RORC: variants seen among roughly 807,000 people sequenced by gnomAD.
RORC encodes RAR related orphan receptor C.
A neutral mutation model predicts 64.5 loss-of-function variants in RORC; 13 were observed. The ratio of observed to expected loss-of-function variants is 0.20; its 90% CI spans 0.13 to 0.32. The LOEUF (loss-of-function observed/expected upper bound fraction) is 0.32. RORC is among the 10% of genes least tolerant of loss of function. RORC has a pLI of 1.00. For synonymous variants in RORC, 277 were observed against 259.3 expected, an observed-to-expected ratio of 1.07 and a Z score of -0.65; for missense variants, 468 against 669.5, an observed-to-expected ratio of 0.70 and a Z score of 3.32.
chr1:151,819,159 T>C (rs1420720211), intron 2 of RORC, among the ~76,000 whole-genome samples: 1 of 152,118 alleles, frequency 6.6e-6, no homozygotes, highest in Admixed American at 6.5e-5. Flanking sequence ...TTTTAATACA[T>C]GGAGGGGAAG....
At position 151,815,041 on chromosome 1, in the gene RORC, C is replaced by A; in HGVS notation, c.683G>T (p.Arg228Leu). Residue 228 changes from arginine to leucine, a missense_variant, in exon 5 of 11, where the codon CGA becomes CTA. By Grantham distance (102) the Arg-to-Leu change is moderately radical. Around this residue, in one of 5 missense-constraint regions of RORC, gnomAD observed 241 missense variants for 295.5 expected, o/e 0.82. Coordinates refer to ENST00000318247, the MANE Select transcript of RORC (RefSeq NM_005060.4). ...YSTGSQLTPDRCGLRFEEHRH... is the reference protein window; with the variant it reads ...YSTGSQLTPDLCGLRFEEHRH... ...GTGTTCCTCAAAACGAAGTCCACAT[C>A]GGTCAGGGGTCAGCTGGCTGCCTGT... The A allele has an allele frequency of 6.2e-7, 1 of 1,614,244 alleles. No homozygotes were observed. Among genetic ancestry groups the A allele is most frequent in the South Asian group, 1.1e-5 (1 of 91,086 alleles).
intron 10 of RORC, among the ~76,000 whole-genome samples, chr1:151,809,281 C>T (rs193279228): frequency 8.9e-4 from 135 of 152,188 alleles, no homozygotes; most frequent in Non-Finnish European, 1.5e-3. Context: ...GTAATCCAAG[C>T]TACTCAGGAG....
intron 2 of RORC, among the ~76,000 whole-genome samples, chr1:151,819,451 A>G (rs988681055): frequency 6.6e-6 from 1 of 151,978 alleles, no homozygotes; most frequent in African/African-American, 2.4e-5. Context: ...GGCCCTGTGG[A>G]CTCTGTTCTT....
intron 10 of RORC, among the ~76,000 whole-genome samples, chr1:151,808,020 C>G (rs374451013): frequency 1.6e-4 from 24 of 152,290 alleles, no homozygotes; most frequent in African/African-American, 5.5e-4. Context: ...CTAATCCTTA[C>G]CCTCTAGTGT....
At chr1:151,822,378 C>T (rs1226443570) in intron 2 of RORC, among the ~76,000 whole-genome samples, 3 of 152,244 alleles carry the variant, frequency 2.0e-5, no homozygotes, top group African/African-American at 7.2e-5. Flanking sequence ...AGGGCCCTCA[C>T]CGCAGCTCCT....
Position 151,826,306 on chromosome 1 carries a change from C to T in RORC, c.70+3123G>A, listed in dbSNP as rs937494878. On this transcript the variant is annotated intron_variant, in intron 2 of 10. Coordinates refer to ENST00000318247, the MANE Select transcript of RORC (RefSeq NM_005060.4). The stretch of plus-strand genomic sequence containing the variant: ...ACACGCGGTAAAAGCTGTTTCCACC[C>T]GCCAGGGTAGTTCTGGCTGGGGAGC... 1.7e-4 allele frequency among the ~76,000 whole-genome samples: 26 copies of T among 152,262 alleles called. No individual in the cohort carries two copies. The East Asian group carries it at 4.8e-3, about 28-fold the overall frequency.
At chr1:151,814,757 G>A in intron 5 of RORC, 62 bp from the exon 6 acceptor site, 2 of 1,573,736 alleles carry the variant, frequency 1.3e-6, no homozygotes, top group Non-Finnish European at 1.7e-6. Context: ...ACCCATGCAA[G>A]GGCACTTCTC....
rs576329620 is a variant in RORC, at chr1:151,816,390, A to G, written c.298+274T>C. Among the ~76,000 whole-genome samples, 50 of 152,340 alleles carry G rather than the reference A, an allele frequency of 3.3e-4. 1 individual carries two copies. The South Asian group carries it at 0.01, about 31-fold the overall frequency. On this transcript the variant is annotated intron_variant, in intron 4 of 10. Coordinates refer to ENST00000318247, the MANE Select transcript of RORC (RefSeq NM_005060.4). ...GCCAGAGGGCAGCAGAGTGAGGAGAATTCGTTCCAAGTAAGAAGAGATGAA... is the reference window on the plus strand; with the variant it reads ...GCCAGAGGGCAGCAGAGTGAGGAGAGTTCGTTCCAAGTAAGAAGAGATGAA...
At chr1:151,813,169 G>A in intron 8 of RORC, 70 bp downstream of exon 8, 1 of 1,506,762 alleles carries the variant, frequency 6.6e-7, no homozygotes, top group Non-Finnish European at 9.2e-7. Context: ...AAAAGAGGGT[G>A]CCCTGGGTCA....
chr1:151,808,412 C>A (rs1285869749), intron 10 of RORC, among the ~76,000 whole-genome samples: 1 of 152,238 alleles, frequency 6.6e-6, no homozygotes, highest in Non-Finnish European at 1.5e-5. Flanking sequence ...TTATCTCTTG[C>A]AGTCTCCTCT....
intron 2 of RORC, among the ~76,000 whole-genome samples, chr1:151,820,701 CCTT>C (rs1572042528): frequency 6.6e-6 from 1 of 152,222 alleles, no homozygotes; most frequent in African/African-American, 2.4e-5. Context: ...CCCGCCAGCT[CCTT>C]AAGTCATCTA....
intron 2 of RORC, among the ~76,000 whole-genome samples, chr1:151,827,529 T>TCCCCATCTTGGAC (rs1558171001): frequency 6.6e-6 from 1 of 152,080 alleles, no homozygotes; most frequent in African/African-American, 2.4e-5. Context: ...TCCCCCGGGT[T>TCCCCATCTTGGAC]CCCCATCTTG....
Position 151,806,703 on chromosome 1 carries a change from G to C in RORC, c.*769C>G, listed in dbSNP as rs1203051260. 6.6e-6 allele frequency: 1 copy of C among 152,180 alleles called. No individual in the cohort carries two copies. The highest frequency in any genetic ancestry group is 2.1e-4 in the South Asian group (1 of 4,828). 9.4% of individuals were successfully genotyped at this position (152,180 alleles called of 1,614,324 possible). A position where few individuals can be genotyped will look rare whatever the true frequency, so the allele number is the denominator to read the frequency against. ...TCTGTATGTGTTTCACCTGTGTATG[G>C]ATATGTGTCTCTGATCAGATTTGTG... is the stretch of plus-strand genomic sequence containing the variant. On this transcript the variant is annotated 3_prime_UTR_variant, in exon 11 of 11. Transcript: ENST00000318247.
rs1348088397 is a variant in RORC, at chr1:151,815,152, G to T, written c.572C>A (p.Ala191Asp). ...GSGPSYSNNL[A>D]KAGLNGASCH... ...TGAGGCCCCATTGAGCCCTGCCTTGGCCAAGTTGTTGGAATATGAGGGCCC... is the reference window on the plus strand; with the variant it reads ...TGAGGCCCCATTGAGCCCTGCCTTGTCCAAGTTGTTGGAATATGAGGGCCC... The change falls in exon 5 of 11, where the codon GCC becomes GAC. Residue 191 changes from alanine (A) to aspartate (D), a missense_variant. This residue lies in a region of RORC where 241 missense variants were observed against 295.5 expected (regional missense o/e 0.82). Coordinates refer to ENST00000318247, the MANE Select transcript of RORC (RefSeq NM_005060.4). The T allele has an allele frequency of 6.2e-7, 1 of 1,614,030 alleles. No homozygotes were observed. The highest frequency in any genetic ancestry group is 1.1e-5 in the South Asian group (1 of 91,058).
chr1:151,823,143 G>A (rs1159446754), intron 2 of RORC, among the ~76,000 whole-genome samples: 1 of 152,172 alleles, frequency 6.6e-6, no homozygotes, highest in Non-Finnish European at 1.5e-5. Flanking sequence ...GAAGGAAGAA[G>A]CCCTTCACGG....
intron 2 of RORC, among the ~76,000 whole-genome samples, chr1:151,826,348 C>A (rs61677461): frequency 0.042 from 6,359 of 152,292 alleles, 465 homozygotes; most frequent in African/African-American, 0.15. Context: ...GGAGCTCACA[C>A]GAGCCTGAAG....
At chr1:151,819,707 G>A (rs1253510422) in intron 2 of RORC, among the ~76,000 whole-genome samples, 1 of 152,114 alleles carries the variant, frequency 6.6e-6, no homozygotes, top group Non-Finnish European at 1.5e-5. Context: ...ACATCTCCCT[G>A]CCCCATGCTT....
At chr1:151,812,878 G>T in intron 9 of RORC, 69 bp downstream of exon 9, 1 of 991,732 alleles carries the variant, frequency 1.0e-6, no homozygotes, top group Non-Finnish European at 1.6e-6. Flanking sequence ...TGAAGGTCTA[G>T]ACTCTTCTTC....
Position 151,830,941 on chromosome 1 carries a change from T to C in RORC, c.40+784A>G. ...CCCCTTGCTCACCCAGGCAGCCAGT[T>C]CTTCCTCCACCAGGTGGCCCTGGAG... On this transcript the variant is annotated intron_variant, in intron 1 of 10. Coordinates refer to ENST00000318247, the MANE Select transcript of RORC (RefSeq NM_005060.4). This position sits in a 1 kb window ranked among gnomAD's most constrained non-coding sequence, Gnocchi z 4.0. 7.8e-7 allele frequency: 1 copy of C among 1,289,162 alleles called. No individual in the cohort carries two copies. Among genetic ancestry groups the C allele is most frequent in the Non-Finnish European group, 1.0e-6 (1 of 988,734 alleles). The allele number at this position is 1,289,162 out of a possible 1,614,324, so 79.9% of individuals were successfully genotyped here. A position where few individuals can be genotyped will look rare whatever the true frequency, so the allele number is the denominator to read the frequency against.
Sources: allele counts gnomAD v4.1 joint callset (sites outside exome capture counted in the v4.1 genomes callset), GRCh38; gene constraint gnomAD v4.1.1; regional missense constraint gnomAD v4.1.1; non-coding constraint Gnocchi (gnomAD v3.1); transcripts MANE v1.5; gene names NCBI Gene and HGNC (gene_info 2026-07-23, HGNC 2026-07-21).